The following PSME4 variants were observed in gnomAD, a reference collection of about 807,000 sequenced individuals.
PSME4 encodes the protein proteasome activator complex subunit 4.
Under a neutral mutation model 253.9 loss-of-function variants are expected in PSME4, and 89 were observed. The observed-to-expected ratio is 0.35, with a 90% confidence interval of 0.30 to 0.42. PSME4 has a LOEUF of 0.42. Ranked by LOEUF, PSME4 falls within the 10% of genes least tolerant of loss-of-function variation. The pLI, the probability that PSME4 is intolerant of heterozygous loss-of-function variation, is 1.00. For missense variants in PSME4, 2,014 were observed against 2,195.2 expected, an observed-to-expected ratio of 0.92 and a Z score of 1.65; for synonymous variants, 851 against 759.2, an observed-to-expected ratio of 1.12 and a Z score of -1.99.
intron 1 of PSME4, among the ~76,000 whole-genome samples, chr2:53,949,980 T>A: frequency 6.6e-6 from 1 of 152,166 alleles, no homozygotes; most frequent in Admixed American, 6.6e-5. Flanking sequence ...GTACTTCAAT[T>A]GAGACATAAC....
chr2:53,923,148 T>C, intron 15 of PSME4, 30 bp from the exon 16 acceptor site: 1 of 1,564,084 alleles, frequency 6.4e-7, no homozygotes, highest in Non-Finnish European at 8.7e-7. Context: ...AGTAAGGCTT[T>C]TTTGAAAGGC....
intron 1 of PSME4, among the ~76,000 whole-genome samples, chr2:53,952,545 A>T (rs888269377): frequency 1.3e-5 from 2 of 152,056 alleles, no homozygotes; most frequent in Non-Finnish European, 2.9e-5. Context: ...TCAGTCTCAA[A>T]CAAACAAACA....
At chr2:53,958,331 G>A (rs959258346) in intron 1 of PSME4, among the ~76,000 whole-genome samples, 7 of 151,816 alleles carry the variant, frequency 4.6e-5, no homozygotes, top group African/African-American at 1.7e-4. Flanking sequence ...ACTCCAGGCT[G>A]GGCCACAGAG....
chr2:53,949,128 T>G lies in PSME4; in HGVS notation c.383+15A>C. The stretch of plus-strand genomic sequence containing the variant: ...ACAAACAAACCTTAACAGAAACCTC[T>G]GGAAAAAGACTTACTTTAACAAGTT... On this transcript the variant is annotated intron_variant, in intron 2 of 46. Transcript: ENST00000404125. The G allele has an allele frequency of 6.3e-7, 1 of 1,575,034 alleles. No individual in the cohort carries two copies. The highest frequency in any genetic ancestry group is 8.6e-7 in the Non-Finnish European group (1 of 1,160,964).
intron 3 of PSME4, among the ~76,000 whole-genome samples, chr2:53,946,396 T>C (rs805442): frequency 0.017 from 2,556 of 152,314 alleles, 26 homozygotes; most frequent in Middle Eastern, 0.037. Flanking sequence ...CCCTGAGATC[T>C]ATGAAATAGT....
intron 41 of PSME4, among the ~76,000 whole-genome samples, chr2:53,876,052 G>A (rs927429842): frequency 6.6e-6 from 1 of 151,694 alleles, no homozygotes; most frequent in Non-Finnish European, 1.5e-5. Context: ...TTTCTAAAAG[G>A]TCCCTTAAAA....
chr2:53,865,432 G>A lies in PSME4; in HGVS notation c.*146C>T, dbSNP rs1249174434. ...GGCAACTGAGAAGCTGTGGAATGCAGACTAACGAGATCTAACACAGAAACC... is the reference window on the plus strand; with the variant it reads ...GGCAACTGAGAAGCTGTGGAATGCAAACTAACGAGATCTAACACAGAAACC... On this transcript the variant is annotated 3_prime_UTR_variant, in exon 47 of 47. Transcript: ENST00000404125. 1 of 152,098 alleles carries A rather than the reference G, an allele frequency of 6.6e-6. No homozygotes were observed. The highest frequency in any genetic ancestry group is 2.1e-4 in the South Asian group (1 of 4,826). The allele number at this position is 152,098 out of a possible 1,614,324, so 9.4% of individuals were successfully genotyped here.
At position 53,921,163 on chromosome 2, in the gene PSME4, T is replaced by A. The variant is rs1345992280; in HGVS notation, c.2047-59A>T. ...TGGTTAAAAGAACAAGAACCAATCATTAATGCAAAGTTCAATGTTTGGCCA... is the reference window on the plus strand; with the variant it reads ...TGGTTAAAAGAACAAGAACCAATCAATAATGCAAAGTTCAATGTTTGGCCA... On this transcript the variant is annotated intron_variant, in intron 17 of 46. Coordinates refer to ENST00000404125, the MANE Select transcript of PSME4 (RefSeq NM_014614.3). 2.5e-6 allele frequency: 4 copies of A among 1,601,932 alleles called. No homozygotes were observed. The Admixed American group carries it at 6.9e-5, about 28-fold the overall frequency.
At chr2:53,948,687 G>T in intron 2 of PSME4, 150 bp from the exon 3 acceptor site, 2 of 599,262 alleles carry the variant, frequency 3.3e-6, no homozygotes, top group South Asian at 4.5e-5. Flanking sequence ...GCAGAACATA[G>T]TATTAAGAAG....
intron 33 of PSME4, 67 bp from the exon 34 acceptor site, chr2:53,895,143 G>C: frequency 7.3e-7 from 1 of 1,375,756 alleles, no homozygotes; most frequent in Non-Finnish European, 1.0e-6. Flanking sequence ...TGGATAGAAA[G>C]CATTAGAAGG....
rs1402184620 is a variant in PSME4, at chr2:53,966,288, A to T, written c.242+4255T>A. On this transcript the variant is annotated intron_variant, in intron 1 of 46. Coordinates refer to ENST00000404125, the MANE Select transcript of PSME4 (RefSeq NM_014614.3). ...GACAGAGCGAGACTCTGTCTCAAAA[A>T]ATATAAAAATAAAAAATAAAACACT... Among the ~76,000 whole-genome samples, 4 of 152,154 alleles carry T rather than the reference A, an allele frequency of 2.6e-5. No individual in the cohort carries two copies. In the East Asian group the frequency reaches 7.7e-4, roughly 29 times the overall value.
chr2:53,901,629 C>A, intron 27 of PSME4, 70 bp from the exon 28 acceptor site: 1 of 1,262,602 alleles, frequency 7.9e-7, no homozygotes. Flanking sequence ...AGCCAATGCA[C>A]CTATGTATTG....
chr2:53,946,363 T>C (rs543563299), intron 3 of PSME4, among the ~76,000 whole-genome samples: 1 of 152,334 alleles, frequency 6.6e-6, no homozygotes, highest in South Asian at 2.1e-4. Flanking sequence ...GAAGGATAAC[T>C]GATCTGAACA....
intron 1 of PSME4, among the ~76,000 whole-genome samples, chr2:53,967,083 T>C (rs879309387): frequency 6.6e-6 from 1 of 152,228 alleles, no homozygotes; most frequent in Admixed American, 6.5e-5. Flanking sequence ...CCATGAGCTG[T>C]CTGCCATTGT....
chr2:53,923,855 G>A (rs1668437138), intron 14 of PSME4, among the ~76,000 whole-genome samples: 3 of 148,708 alleles, frequency 2.0e-5, no homozygotes, highest in Admixed American at 6.8e-5. Flanking sequence ...CCCGGGAGGT[G>A]GAGGTTGCAG....
chr2:53,882,914 T>A (rs2543635), intron 41 of PSME4, among the ~76,000 whole-genome samples: 26,741 of 124,026 alleles, frequency 0.22, 2,665 homozygotes, highest in East Asian at 0.44. Context: ...AAAAAATAAA[T>A]AAATAAGATA....
chr2:53,886,854 G>A (rs1487629100), intron 40 of PSME4, among the ~76,000 whole-genome samples: 3 of 152,178 alleles, frequency 2.0e-5, no homozygotes. Flanking sequence ...ACATGATTCA[G>A]AAATTCATTC....
Position 53,949,208 on chromosome 2 carries a change from T to C in PSME4, c.318A>G (p.Val106=). 3.1e-6 allele frequency: 5 copies of C among 1,612,198 alleles called. No individual in the cohort carries two copies. Among genetic ancestry groups the C allele is most frequent in the Non-Finnish European group, 4.2e-6 (5 of 1,179,056 alleles). Residue 106 remains valine (V), a synonymous_variant, in exon 2 of 47, where the codon GTA becomes GTG. Coordinates refer to ENST00000404125, the MANE Select transcript of PSME4 (RefSeq NM_014614.3). The stretch of plus-strand genomic sequence containing the variant: ...TGCTGATTTCCAGTTTTGGAATTGA[T>C]ACCAGCTCATACAATAACTTAATAA... ...VLFIKLLYEL[V]SIPKLEISMM... is the part of the protein sequence containing the mutation.
intron 16 of PSME4, 45 bp from the exon 17 acceptor site, chr2:53,922,629 A>C (rs1009641440): frequency 7.0e-6 from 11 of 1,582,136 alleles, no homozygotes; most frequent in Non-Finnish European, 8.6e-6. Flanking sequence ...CTATGCATTC[A>C]ACTAAATATA....
Sources: gnomAD v4.1 joint callset for allele counts (sites outside exome capture counted in the v4.1 genomes callset) on GRCh38, gnomAD v4.1.1 for gene constraint, MANE v1.5 for transcripts, NCBI Gene and HGNC (gene_info 2026-07-23, HGNC 2026-07-21) for gene names.